Variants in DAB1 observed in about 807,000 individuals in gnomAD.
DAB1 encodes DAB adaptor protein 1, also known as disabled homolog 1.
Under a neutral mutation model 64.6 loss-of-function variants are expected in DAB1, and 15 were observed. The observed-to-expected ratio is 0.23, with a 90% confidence interval of 0.16 to 0.36. The LOEUF is 0.36. Among genes scored for constraint, DAB1 ranks in the 10% least tolerant of loss-of-function variants. The probability of loss-of-function intolerance (pLI) is 1.00; values close to 1 mark genes in which losing one functional copy is unlikely to be tolerated. For missense variants in DAB1, 596 were observed against 706.7 expected (o/e 0.84, Z 1.78); for synonymous variants, 235 against 251.9 (o/e 0.93, Z 0.64).
At chr1:58,515,155 C>T (rs1050077221) in intron 2 of DAB1, among the ~76,000 whole-genome samples, 72 of 152,126 alleles carry the variant, frequency 4.7e-4, no homozygotes, top group African/African-American at 1.6e-3. Flanking sequence ...ATTTTGTAAC[C>T]CACTTATTCT....
chr1:57,337,072 G>T (rs535924861), intron 1 of DAB1, among the ~76,000 whole-genome samples: 5 of 152,190 alleles, frequency 3.3e-5, no homozygotes, highest in Admixed American at 6.5e-5. Context: ...TGGCACCTAA[G>T]CATTTGAATA....
intron 1 of DAB1, chr1:57,862,752 A>G (rs1457842504): frequency 6.6e-6 from 1 of 152,182 alleles, no homozygotes; most frequent in African/African-American, 2.4e-5. Flanking sequence ...ACTACAACCT[A>G]CTAAACTGAC....
At chr1:58,476,442 T>C (rs1232380800) in intron 3 of DAB1, among the ~76,000 whole-genome samples, 1 of 152,110 alleles carries the variant, frequency 6.6e-6, no homozygotes, top group Non-Finnish European at 1.5e-5. Context: ...AGACAGAACT[T>C]AGTGGTGTAA....
intron 7 of DAB1, among the ~76,000 whole-genome samples, chr1:57,070,016 G>T (rs1421581959): frequency 6.6e-6 from 1 of 152,190 alleles, no homozygotes; most frequent in Non-Finnish European, 1.5e-5. Flanking sequence ...AGTGAGCAAG[G>T]GGGTGAAGCT....
intron 1 of DAB1, among the ~76,000 whole-genome samples, chr1:57,298,363 G>A (rs1673370166): frequency 6.6e-6 from 1 of 152,166 alleles, no homozygotes; most frequent in Admixed American, 6.5e-5. Context: ...TCTGCTAACA[G>A]AGGTCCACCA....
intron 4 of DAB1, among the ~76,000 whole-genome samples, chr1:58,222,773 C>T (rs1659243181): frequency 6.6e-6 from 1 of 152,184 alleles, no homozygotes; most frequent in African/African-American, 2.4e-5. Flanking sequence ...TTGTCCAGCT[C>T]CTTGTGTCCT....
chr1:57,305,988 A>AAAAAG (rs1558132347), intron 1 of DAB1, among the ~76,000 whole-genome samples: 5 of 148,604 alleles, frequency 3.4e-5, no homozygotes, highest in African/African-American at 9.9e-5. Flanking sequence ...AAAAAAAAGA[A>AAAAAG]AAAAGAAAAG....
chr1:57,288,235 C>T (rs1672488593), intron 2 of DAB1, among the ~76,000 whole-genome samples: 1 of 151,940 alleles, frequency 6.6e-6, no homozygotes, highest in Admixed American at 6.6e-5. Context: ...TTTCAAGAGC[C>T]CCTTGGGTAT....
At chr1:57,896,338 A>G (rs1644391432) in intron 5 of DAB1, among the ~76,000 whole-genome samples, 1 of 151,886 alleles carries the variant, frequency 6.6e-6, no homozygotes, top group South Asian at 2.1e-4. Flanking sequence ...TATTACTATT[A>G]TTATTACTGC....
intron 6 of DAB1, among the ~76,000 whole-genome samples, chr1:57,650,312 T>C (rs1259075280): frequency 8.7e-6 from 1 of 115,402 alleles, no homozygotes; most frequent in African/African-American, 2.5e-5. Flanking sequence ...CTGGCTAATT[T>C]TTGCATTTTT....
At chr1:57,310,483 G>A (rs1162116044) in intron 1 of DAB1, among the ~76,000 whole-genome samples, 1 of 152,086 alleles carries the variant, frequency 6.6e-6, no homozygotes, top group South Asian at 2.1e-4. Context: ...CTGGGCCCTA[G>A]AGATGGAAAG....
intron 4 of DAB1, among the ~76,000 whole-genome samples, chr1:57,096,800 T>C (rs79775505): frequency 1.8e-3 from 268 of 152,342 alleles, no homozygotes; most frequent in African/African-American, 6.3e-3. Context: ...CTAGAGTACT[T>C]ACTTGGCATA....
chr1:57,277,095 T>C (rs1671525139), intron 2 of DAB1, among the ~76,000 whole-genome samples: 1 of 152,222 alleles, frequency 6.6e-6, no homozygotes, highest in African/African-American at 2.4e-5. Context: ...TGATCACCTA[T>C]GACGTGCTAA....
At chr1:58,149,234 A>C (rs879604194) in intron 5 of DAB1, among the ~76,000 whole-genome samples, 3 of 152,188 alleles carry the variant, frequency 2.0e-5, no homozygotes, top group Admixed American at 2.0e-4. Context: ...ATGAACAAAA[A>C]ATTCTCTTGT....
intron 5 of DAB1, among the ~76,000 whole-genome samples, chr1:57,898,094 G>A (rs1228141065): frequency 6.6e-6 from 1 of 152,086 alleles, no homozygotes; most frequent in African/African-American, 2.4e-5. Flanking sequence ...CCCTGCAGCT[G>A]GTCCCTACTG....
At chr1:57,871,010 C>A (rs1271436658) in intron 1 of DAB1, among the ~76,000 whole-genome samples, 1 of 152,138 alleles carries the variant, frequency 6.6e-6, no homozygotes, top group Non-Finnish European at 1.5e-5. Context: ...AAATGGCTGA[C>A]AATAGCTTTA....
At chr1:58,368,404 C>A (rs2100532226) in intron 3 of DAB1, among the ~76,000 whole-genome samples, 1 of 152,190 alleles carries the variant, frequency 6.6e-6, no homozygotes, top group Non-Finnish European at 1.5e-5. Flanking sequence ...ACTGGGCAAG[C>A]AACTTAGCCT....
At chr1:57,605,704 T>G (rs1284702844) in intron 7 of DAB1, 2 of 251,648 alleles carry the variant, frequency 7.9e-6, no homozygotes, top group South Asian at 1.2e-4. Flanking sequence ...TCAGTTAGTA[T>G]CACTGAACAC....
intron 1 of DAB1, among the ~76,000 whole-genome samples, chr1:57,339,822 A>T (rs902327807): frequency 6.6e-6 from 1 of 152,232 alleles, no homozygotes; most frequent in Non-Finnish European, 1.5e-5. Flanking sequence ...TGACAAAATG[A>T]CACTTAGTAC....
Sources: allele counts gnomAD v4.1 joint callset (sites outside exome capture counted in the v4.1 genomes callset), GRCh38; gene constraint gnomAD v4.1.1; transcripts MANE v1.5; gene names NCBI Gene and HGNC (gene_info 2026-07-23, HGNC 2026-07-21).